MOXD1: variants seen among roughly 807,000 people sequenced by gnomAD.
MOXD1 encodes DBH-like monooxygenase protein 1.
MOXD1 carries 62 observed loss-of-function variants against 66.6 expected under a neutral mutation model. The ratio of observed to expected loss-of-function variants is 0.93; its 90% CI spans 0.76 to 1.15. The LOEUF is 1.15. Ranked by LOEUF, MOXD1 falls within the 50% of genes most tolerant of loss-of-function variation. MOXD1 has a pLI of 0.00. For missense variants in MOXD1, 847 were observed against 754.6 expected (o/e 1.12, Z -1.44); for synonymous variants, 303 against 281.9 (o/e 1.07, Z -0.75).
chr6:132,320,084 G>A (rs1775045188), intron 9 of MOXD1, among the ~76,000 whole-genome samples: 1 of 152,104 alleles, frequency 6.6e-6, no homozygotes, highest in South Asian at 2.1e-4. Context: ...TCCTTGTGAA[G>A]TTTTAGTTTT....
intron 10 of MOXD1, among the ~76,000 whole-genome samples, chr6:132,309,729 CTT>C (rs984458559): frequency 1.3e-5 from 2 of 151,952 alleles, no homozygotes; most frequent in African/African-American, 4.8e-5. Flanking sequence ...CATTAACAAA[CTT>C]GACAAAAACA....
intron 1 of MOXD1, among the ~76,000 whole-genome samples, chr6:132,389,090 G>C (rs902605729): frequency 3.3e-5 from 5 of 151,094 alleles, no homozygotes; most frequent in Non-Finnish European, 7.4e-5. Flanking sequence ...CCAGGCTGGA[G>C]TGCAGTGGTG....
chr6:132,338,718 T>C (rs545155377), intron 4 of MOXD1, among the ~76,000 whole-genome samples: 72 of 152,348 alleles, frequency 4.7e-4, no homozygotes, highest in African/African-American at 1.7e-3. Flanking sequence ...TGGAACACAT[T>C]TTATTGGGTT....
chr6:132,312,681 G>A (rs1441004177), intron 10 of MOXD1, among the ~76,000 whole-genome samples: 1 of 146,046 alleles, frequency 6.8e-6, no homozygotes, highest in Non-Finnish European at 1.5e-5. Context: ...AATTCTCCCT[G>A]TCTTTCCAAA....
chr6:132,385,876 G>A (rs1214785200), intron 1 of MOXD1, among the ~76,000 whole-genome samples: 2 of 151,946 alleles, frequency 1.3e-5, no homozygotes, highest in Non-Finnish European at 2.9e-5. Flanking sequence ...GGCTGAGGCG[G>A]GCGGATCACG....
chr6:132,349,453 A>G (rs1254207612), intron 4 of MOXD1, among the ~76,000 whole-genome samples: 9 of 22,346 alleles, frequency 4.0e-4, no homozygotes, highest in East Asian at 2.9e-3. Flanking sequence ...ATATATATAC[A>G]TATATATATA....
chr6:132,301,971 G>A (rs1012865396), intron 10 of MOXD1, among the ~76,000 whole-genome samples: 4 of 152,134 alleles, frequency 2.6e-5, no homozygotes, highest in Admixed American at 6.6e-5. Context: ...AGAAAATGAC[G>A]ATCTCAATAA....
intron 1 of MOXD1, among the ~76,000 whole-genome samples, chr6:132,397,271 T>C (rs1776903694): frequency 1.3e-5 from 2 of 152,240 alleles, no homozygotes; most frequent in African/African-American, 4.8e-5. Flanking sequence ...AAGAAATTTG[T>C]CATTGCGTTA....
At chr6:132,356,336 C>T (rs1268158819) in intron 4 of MOXD1, among the ~76,000 whole-genome samples, 2 of 152,134 alleles carry the variant, frequency 1.3e-5, no homozygotes, top group Non-Finnish European at 2.9e-5. Flanking sequence ...CAAGCCAAAG[C>T]AATCAGAAAT....
chr6:132,322,926 G>A, intron 7 of MOXD1, 56 bp from the exon 8 acceptor site: 2 of 1,443,862 alleles, frequency 1.4e-6, no homozygotes, highest in East Asian at 4.7e-5. Context: ...TGTTCAGACA[G>A]TTTACATTCA....
Position 132,331,223 on chromosome 6 carries a change from G to A in MOXD1, c.664-2629C>T, listed in dbSNP as rs528913042. ...AAGGGGGACAGGGCACTGCTAAGAT[G>A]TCAACAGTAAAATATTCAGGCACAT... On this transcript the variant is annotated intron_variant, in intron 4 of 11. Coordinates refer to ENST00000367963, the MANE Select transcript of MOXD1 (RefSeq NM_015529.4). 6.6e-5 allele frequency among the ~76,000 whole-genome samples: 10 copies of A among 152,308 alleles called. No individual in the cohort carries two copies. The East Asian group carries it at 1.9e-3, about 29-fold the overall frequency.
intron 9 of MOXD1, among the ~76,000 whole-genome samples, chr6:132,317,216 A>T (rs1315011740): frequency 6.6e-6 from 1 of 152,170 alleles, no homozygotes; most frequent in Non-Finnish European, 1.5e-5. Flanking sequence ...TCGAAAACAA[A>T]GGTGAAAAAC....
At chr6:132,396,191 C>T (rs1776864436) in intron 1 of MOXD1, among the ~76,000 whole-genome samples, 1 of 152,180 alleles carries the variant, frequency 6.6e-6, no homozygotes, top group African/African-American at 2.4e-5. Flanking sequence ...TATCAAGTAT[C>T]TTCTCAGACC....
chr6:132,385,947 C>T (rs1186039300), intron 1 of MOXD1, among the ~76,000 whole-genome samples: 2 of 149,912 alleles, frequency 1.3e-5, no homozygotes, highest in East Asian at 4.0e-4. Flanking sequence ...ACTAAAAGTA[C>T]AAAAAATTAG....
rs139692804 is a variant in MOXD1 at position 132,328,036 on chromosome 6, T to A, written c.923A>T (p.Tyr308Phe). The A allele has an allele frequency of 1.3e-4, 203 of 1,613,196 alleles. No individual in the cohort carries two copies. Among genetic ancestry groups the A allele is most frequent in the Middle Eastern group, 1.6e-4 (1 of 6,062 alleles). The change falls in exon 6 of 12, where the codon TAT becomes TTT. Residue 308 changes from tyrosine to phenylalanine, a missense_variant. Transcript: ENST00000367963. The part of the protein sequence containing the change: ...DPHYVLLEVH[Y>F]DNPTYEEGLI... ...ACCTTCCTCATAAGTGGGATTATCA[T>A]AATGGACTTCTAGGAGCACATAATG... is the stretch of plus-strand genomic sequence containing the variant.
chr6:132,317,387 T>C (rs35230550), intron 9 of MOXD1, among the ~76,000 whole-genome samples: 1 of 152,308 alleles, frequency 6.6e-6, no homozygotes, highest in South Asian at 2.1e-4. Context: ...GTAAATATTG[T>C]ATTTAATTTA....
chr6:132,381,311 T>C (rs1776504280), intron 1 of MOXD1, among the ~76,000 whole-genome samples: 3 of 152,216 alleles, frequency 2.0e-5, no homozygotes, highest in Non-Finnish European at 4.4e-5. Flanking sequence ...TATTCCCCAG[T>C]AGTACCTTAT....
chr6:132,355,769 C>T (rs1468847573), intron 4 of MOXD1, among the ~76,000 whole-genome samples: 1 of 152,158 alleles, frequency 6.6e-6, no homozygotes, highest in East Asian at 1.9e-4. Flanking sequence ...ACCAAGCTGA[C>T]TTGTAAACTA....
At chr6:132,392,471 G>A (rs1014967618) in intron 1 of MOXD1, among the ~76,000 whole-genome samples, 3 of 152,102 alleles carry the variant, frequency 2.0e-5, no homozygotes, top group Non-Finnish European at 4.4e-5. Flanking sequence ...GCCTCAAATG[G>A]GCACTCACAG....
Sources: gnomAD v4.1 joint callset for allele counts (sites outside exome capture counted in the v4.1 genomes callset) on GRCh38, gnomAD v4.1.1 for gene constraint, MANE v1.5 for transcripts, NCBI Gene and HGNC (gene_info 2026-07-23, HGNC 2026-07-21) for gene names.